UBR4: variants seen among roughly 807,000 people sequenced by gnomAD.
UBR4 encodes the protein E3 ubiquitin-protein ligase UBR4.
A neutral mutation model predicts 575.6 loss-of-function variants in UBR4; 124 were observed. The ratio of observed to expected loss-of-function variants is 0.22; its 90% CI spans 0.19 to 0.25. UBR4 has a LOEUF of 0.25. Ranked by LOEUF, UBR4 falls within the 10% of genes least tolerant of loss-of-function variation. The pLI is 1.00. For missense variants in UBR4, 4,818 were observed against 6,478.8 expected, an observed-to-expected ratio of 0.74 and a Z score of 8.80; for synonymous variants, 2,455 against 2,473.7, an observed-to-expected ratio of 0.99 and a Z score of 0.22.
At chr1:19,162,024 AC>A in intron 35 of UBR4, 127 bp from the exon 36 acceptor site, 1 of 1,054,468 alleles carries the variant, frequency 9.5e-7, no homozygotes, top group Non-Finnish European at 1.4e-6. Context: ...GTGGAAATCT[AC>A]CACAACTGGA....
chr1:19,204,967 G>A (rs77359561), intron 1 of UBR4, among the ~76,000 whole-genome samples: 147 of 152,174 alleles, frequency 9.7e-4, no homozygotes, highest in African/African-American at 3.3e-3. Flanking sequence ...AGGACAAAAA[G>A]TTAAGTAGGA....
intron 54 of UBR4, 62 bp downstream of exon 54, chr1:19,144,724 A>C (rs1162600606): frequency 1.5e-5 from 24 of 1,567,286 alleles, no homozygotes; most frequent in Non-Finnish European, 3.5e-6. Context: ...TAGCAAGCTA[A>C]AAACAATTTT....
At chr1:19,163,723 C>T (rs1388208178) in intron 34 of UBR4, 41 bp downstream of exon 34, 1 of 1,604,134 alleles carries the variant, frequency 6.2e-7, no homozygotes, top group Non-Finnish European at 8.5e-7. Context: ...TGAGAATCAC[C>T]TTTCCCTTCA....
chr1:19,141,245 A>G (rs986999751), intron 57 of UBR4, 102 bp downstream of exon 57: 22 of 1,516,776 alleles, frequency 1.5e-5, no homozygotes, highest in East Asian at 2.3e-5. Context: ...ACCTCTCCCC[A>G]TATCTGGGGA....
rs1470262106 is a variant in UBR4, at chr1:19,177,707, A to C, written c.2391T>G (p.Gly797=). ...LSTMKQNALQ[G]VVPSETEDLN... is the part of the protein sequence containing the mutation. ...GATCCTCTGTCTCACTGGGCACCAC[A>C]CCTTGCAGGGCATTCTGCTTCATTG... is the stretch of plus-strand genomic sequence containing the variant. Residue 797 remains glycine (G), a synonymous_variant, in exon 19 of 106, where the codon GGT becomes GGG. Transcript: ENST00000375254. The C allele has an allele frequency of 2.5e-6, 4 of 1,614,014 alleles. No individual in the cohort carries two copies. Among genetic ancestry groups the C allele is most frequent in the Non-Finnish European group, 3.4e-6 (4 of 1,180,000 alleles).
Position 19,112,673 on chromosome 1 carries a change from G to A in UBR4, c.11652C>T (p.Ile3884=). 3.1e-6 allele frequency: 5 copies of A among 1,614,266 alleles called. No individual in the cohort carries two copies. Among genetic ancestry groups the A allele is most frequent in the Non-Finnish European group, 4.2e-6 (5 of 1,180,042 alleles). Residue 3884 remains isoleucine, a synonymous_variant, in exon 78 of 106, where the codon ATC becomes ATT. Coordinates refer to ENST00000375254, the MANE Select transcript of UBR4 (RefSeq NM_020765.3). The stretch of plus-strand genomic sequence containing the variant: ...TGGTGGCCAGGGCCCGAAGTAGTGT[G>A]ATACAATGTTCTGTGACAGCCGAGG... The part of the protein sequence containing the change: ...GCASAVTEHC[I]TLLRALATNP...
chr1:19,181,368 A>AAAAAC (rs757313421), intron 17 of UBR4, among the ~76,000 whole-genome samples: 1 of 152,102 alleles, frequency 6.6e-6, no homozygotes, highest in Non-Finnish European at 1.5e-5. Flanking sequence ...ACCTCTAAAA[A>AAAAAC]AAAACAAAAC....
intron 91 of UBR4, among the ~76,000 whole-genome samples, chr1:19,096,911 G>C (rs2078111376): frequency 1.3e-5 from 2 of 152,060 alleles, no homozygotes; most frequent in African/African-American, 2.4e-5. Flanking sequence ...CATCAATGGA[G>C]TGGGGGGAGA....
rs751539794 is a variant in UBR4 at position 19,173,604 on chromosome 1, T to C, written c.3000A>G (p.Gln1000=). The change falls in exon 23 of 106, where the codon CAA becomes CAG. Residue 1000 remains glutamine (Q), a synonymous_variant. Coordinates refer to ENST00000375254, the MANE Select transcript of UBR4 (RefSeq NM_020765.3). Reference sequence around the variant, plus strand: ...TCCTCCACAGTATCAAGAAGTAATATTGAAGGGCACAGGCCTCCTGGAGAA... The same window carrying C: ...TCCTCCACAGTATCAAGAAGTAATACTGAAGGGCACAGGCCTCCTGGAGAA... ...NVTALEACAL[Q]YYFLILWRIL... 1.2e-6 allele frequency: 2 copies of C among 1,614,078 alleles called. No homozygotes were observed. Among genetic ancestry groups the C allele is most frequent in the East Asian group, 2.2e-5 (1 of 44,864 alleles).
At chr1:19,094,189 G>C in intron 94 of UBR4, 50 bp from the exon 95 acceptor site, 5 of 1,468,332 alleles carry the variant, frequency 3.4e-6, no homozygotes, top group Non-Finnish European at 3.7e-6. Flanking sequence ...CAGGACTGTG[G>C]CTGCAGCCAA....
At position 19,201,795 on chromosome 1, in the gene UBR4, T is replaced by C. The variant is rs2092756925; in HGVS notation, c.197A>G (p.His66Arg). The C allele has an allele frequency of 1.2e-6, 2 of 1,614,090 alleles. No individual in the cohort carries two copies. Among genetic ancestry groups the C allele is most frequent in the Non-Finnish European group, 8.5e-7 (1 of 1,179,960 alleles). ...GTAGAATGGCTCGTACTGCTTCTCA[T>C]GGTGCAGGATTTCTGATTCACTGTA... ...VIESESEILH[H>R]EKQYEPFYSS... The change falls in exon 2 of 106, where the codon CAT (histidine) becomes CGT (arginine). Residue 66 changes from histidine to arginine, a missense_variant. Around this residue, in one of 29 missense-constraint regions of UBR4, gnomAD observed 85 missense variants for 134.2 expected, o/e 0.63. Coordinates refer to ENST00000375254, the MANE Select transcript of UBR4 (RefSeq NM_020765.3).
intron 55 of UBR4, among the ~76,000 whole-genome samples, chr1:19,142,099 C>T (rs2150013221): frequency 6.6e-6 from 1 of 152,350 alleles, no homozygotes; most frequent in East Asian, 1.9e-4. Flanking sequence ...CAAACTCACG[C>T]TAACTCTCAG....
intron 60 of UBR4, among the ~76,000 whole-genome samples, chr1:19,132,462 G>T (rs999936705): frequency 6.6e-6 from 1 of 151,884 alleles, no homozygotes; most frequent in Non-Finnish European, 1.5e-5. Flanking sequence ...GATTACAGGT[G>T]TGAGCCACTG....
At chr1:19,146,135 G>GT (rs2084836539) in intron 52 of UBR4, 2 of 1,521,474 alleles carry the variant, frequency 1.3e-6, no homozygotes, top group Non-Finnish European at 1.8e-6. Context: ...AGAAAACATT[G>GT]TATGTTAGAA....
intron 101 of UBR4, 68 bp from the exon 102 acceptor site, chr1:19,084,766 G>A: frequency 6.8e-7 from 1 of 1,474,730 alleles, no homozygotes; most frequent in Non-Finnish European, 9.3e-7. Flanking sequence ...TTGGGAGACA[G>A]AGCCTCCTTC....
chr1:19,144,400 A>C (rs78243096), intron 54 of UBR4, among the ~76,000 whole-genome samples: 1 of 152,204 alleles, frequency 6.6e-6, no homozygotes, highest in Non-Finnish European at 1.5e-5. Context: ...TCAAGCCCCC[A>C]GCGCACGTCT....
At chr1:19,077,463 G>C (rs1005689582) in intron 104 of UBR4, among the ~76,000 whole-genome samples, 2 of 152,236 alleles carry the variant, frequency 1.3e-5, no homozygotes, top group African/African-American at 4.8e-5. Flanking sequence ...GCCAGGCACA[G>C]TGGCCCATGC....
rs2089788277 is a variant in UBR4 at position 19,172,947 on chromosome 1, A to G, written c.3438T>C (p.Thr1146=). 1 of 1,614,210 alleles carries G rather than the reference A, an allele frequency of 6.2e-7. No individual in the cohort carries two copies. The highest frequency in any genetic ancestry group is 8.5e-7 in the Non-Finnish European group (1 of 1,180,032). ...TAATCTCAGACGACTTATGAGGATC[A>G]GTCTCAGCAGCCATCTTAGAAAAAT... The part of the protein sequence containing the change: ...DEHFSKMAAE[T]DPHKSSEITK... Residue 1146 remains threonine, a synonymous_variant, in exon 25 of 106, where the codon ACT becomes ACC. Transcript: ENST00000375254.
Position 19,153,582 on chromosome 1 carries a change from A to T in UBR4, c.6631-80T>A. The T allele has an allele frequency of 2.6e-6, 4 of 1,563,312 alleles. No individual in the cohort carries two copies. Among genetic ancestry groups the T allele is most frequent in the Non-Finnish European group, 2.6e-6 (3 of 1,140,668 alleles). ...CTCACAGAAAAAGAGGCAGAGATGC[A>T]ACTGGTTTCATGGTCAGTTGAGGGG... On this transcript the variant is annotated intron_variant, in intron 45 of 105. Transcript: ENST00000375254. The surrounding 1 kb of genome is among the most constrained non-coding windows in gnomAD (Gnocchi z 4.1).
Sources: gnomAD v4.1 joint callset for allele counts (sites outside exome capture counted in the v4.1 genomes callset) on GRCh38, gnomAD v4.1.1 for gene constraint, gnomAD v4.1.1 regional missense constraint, Gnocchi (gnomAD v3.1) non-coding constraint, MANE v1.5 for transcripts, NCBI Gene and HGNC (gene_info 2026-07-23, HGNC 2026-07-21) for gene names.